The following NINJ2 variants were observed in gnomAD, a reference collection of about 807,000 sequenced individuals.
NINJ2 encodes the protein ninjurin 2.
A neutral mutation model predicts 11.7 loss-of-function variants in NINJ2; 12 were observed. That is an observed-to-expected ratio of 1.02 (90% CI 0.66 to 1.66). The LOEUF (loss-of-function observed/expected upper bound fraction) is 1.66, where lower values mean the gene tolerates loss of function less well. Among genes scored for constraint, NINJ2 ranks in the 40% most tolerant of loss-of-function variants. The probability of loss-of-function intolerance (pLI) is 0.00; values close to 1 mark genes in which losing one functional copy is unlikely to be tolerated. For synonymous variants in NINJ2, 93 were observed against 76.8 expected (o/e 1.21, Z -1.10); for missense variants, 187 against 181.8 (o/e 1.03, Z -0.16).
intron 1 of NINJ2, among the ~76,000 whole-genome samples, chr12:588,186 GGAAGGGACGGAGGGGAC>G (rs1365682482): frequency 1.1e-4 from 14 of 123,468 alleles, no homozygotes; most frequent in African/African-American, 4.1e-4. Context: ...CGGAAGGGAC[GGAAGGGACGGAGGGGAC>G]GGAAGGGACG....
At position 629,896 on chromosome 12, in the gene NINJ2, A is replaced by AAAAAAAAAAAAAAAATAT; in HGVS notation, c.33+33431_33+33432insATATTTTTTTTTTTTTTT. On this transcript the variant is annotated intron_variant, in intron 1 of 3. Transcript: ENST00000305108. Reference sequence around the variant, plus strand: ...GAGCAAAACTCAAAAAAAAAAAAAAAATATATATATATATATATATATATA... The same window carrying AAAAAAAAAAAAAAAATAT: ...GAGCAAAACTCAAAAAAAAAAAAAAAAAAAAAAAAAAAAAATATATATATATATATATATATATATATA... Among the ~76,000 whole-genome samples the AAAAAAAAAAAAAAAATAT allele has an allele frequency of 5.4e-3, 53 of 9,876 alleles. 3 individuals are homozygous for AAAAAAAAAAAAAAAATAT. The highest frequency in any genetic ancestry group is 0.016 in the Non-Finnish European group (34 of 2,120). 6.5% of individuals were successfully genotyped at this position (9,876 alleles called of 152,430 possible).
chr12:583,705 GC>G (rs904586446), intron 1 of NINJ2, among the ~76,000 whole-genome samples: 52 of 152,308 alleles, frequency 3.4e-4, no homozygotes, highest in African/African-American at 1.1e-3. Flanking sequence ...TATTTCCACA[GC>G]CATGAAATGG....
chr12:595,120 T>C (rs982838981), intron 1 of NINJ2, among the ~76,000 whole-genome samples: 8 of 151,926 alleles, frequency 5.3e-5, no homozygotes, highest in Non-Finnish European at 1.0e-4. Context: ...CTGTAATAAC[T>C]GGACATCCAC....
chr12:631,772 C>T (rs10849372), intron 1 of NINJ2, among the ~76,000 whole-genome samples: 41,691 of 151,982 alleles, frequency 0.27, 6,144 homozygotes, highest in Middle Eastern at 0.39. Context: ...TGCTCCTCAC[C>T]CCATATTCAA....
chr12:643,636 C>T (rs1347267779), intron 1 of NINJ2: 1 of 988,080 alleles, frequency 1.0e-6, no homozygotes, highest in Non-Finnish European at 1.2e-6. Context: ...TGCTTTGCAA[C>T]GAAGCCAAAG....
chr12:597,144 G>C (rs1163394945), intron 1 of NINJ2, among the ~76,000 whole-genome samples: 2 of 152,164 alleles, frequency 1.3e-5, no homozygotes, highest in Admixed American at 6.5e-5. Flanking sequence ...GGGAAAAATG[G>C]AAGGCGAAAC....
At chr12:637,042 T>A (rs11064006) in intron 1 of NINJ2, among the ~76,000 whole-genome samples, 91,579 of 152,100 alleles carry the variant, frequency 0.6, 27,787 homozygotes, top group East Asian at 0.73. Context: ...ATGGAATATT[T>A]TTCAGGCTAG....
chr12:629,896 A>AAAAAAAAAAATAT, intron 1 of NINJ2, among the ~76,000 whole-genome samples: 3 of 9,904 alleles, frequency 3.0e-4, no homozygotes, highest in Non-Finnish European at 4.7e-4. Context: ...AAAAAAAAAA[A>AAAAAAAAAAATAT]ATATATATAT....
intron 1 of NINJ2, among the ~76,000 whole-genome samples, chr12:653,017 TC>T (rs1937818206): frequency 8.1e-6 from 1 of 123,618 alleles, no homozygotes; most frequent in Non-Finnish European, 1.7e-5. Context: ...ATATTTTGTT[TC>T]TTTTTTTTTT....
intron 1 of NINJ2, among the ~76,000 whole-genome samples, chr12:573,023 A>AT (rs1301909243): frequency 0.013 from 1,369 of 106,302 alleles, 21 homozygotes; most frequent in African/African-American, 0.023. Context: ...CACCCAGCTA[A>AT]TTTTTTTTTT....
intron 3 of NINJ2, 112 bp downstream of exon 3, chr12:565,105 G>T: frequency 1.2e-6 from 1 of 847,518 alleles, no homozygotes; most frequent in Non-Finnish European, 1.8e-6. Flanking sequence ...CGGAGCTACA[G>T]GCCTTCCCCC....
chr12:577,056 G>A (rs2120817652), intron 1 of NINJ2, among the ~76,000 whole-genome samples: 1 of 152,264 alleles, frequency 6.6e-6, no homozygotes, highest in East Asian at 1.9e-4. Context: ...TGTCAGGCAT[G>A]ACTCCACAAA....
In NINJ2 at chr12:566,144, T is replaced by C. The variant is rs745906124; in HGVS notation, c.68A>G (p.Asn23Ser). The change falls in exon 2 of 4, where the codon AAC becomes AGC. Residue 23 changes from asparagine (N) to serine (S), a missense_variant. By Grantham distance (46) the Asn-to-Ser change is conservative (BLOSUM62 1). Transcript: ENST00000305108. ...GSSDPRSQPI[N>S]LNHYATKKSV... is the part of the protein sequence containing the mutation. ...CTTCTTGGTGGCGTAATGGTTCAGGTTGATGGGCTGGCTCCTGGGGTCGGA... is the reference window on the plus strand; with the variant it reads ...CTTCTTGGTGGCGTAATGGTTCAGGCTGATGGGCTGGCTCCTGGGGTCGGA... 5.6e-6 allele frequency: 9 copies of C among 1,614,018 alleles called. No individual in the cohort carries two copies. The highest frequency in any genetic ancestry group is 5.9e-6 in the Non-Finnish European group (7 of 1,179,930).
chr12:629,575 C>T (rs140266694), intron 1 of NINJ2, among the ~76,000 whole-genome samples: 1 of 152,084 alleles, frequency 6.6e-6, no homozygotes, highest in Non-Finnish European at 1.5e-5. Context: ...AAAACAAATT[C>T]GTAAATTGTC....
chr12:630,667 G>A (rs986202224), intron 1 of NINJ2, among the ~76,000 whole-genome samples: 2 of 152,154 alleles, frequency 1.3e-5, no homozygotes, highest in African/African-American at 4.8e-5. Context: ...GTGAGCCACC[G>A]CTCCCCGCCG....
intron 1 of NINJ2, among the ~76,000 whole-genome samples, chr12:582,879 G>A (rs60720257): frequency 7.2e-5 from 3 of 41,446 alleles, no homozygotes; most frequent in Non-Finnish European, 8.1e-5. Flanking sequence ...GAATGAATGG[G>A]CGCAGGCAGG....
chr12:643,513 C>T (rs1937626193), intron 1 of NINJ2: 1 of 988,154 alleles, frequency 1.0e-6, no homozygotes, highest in South Asian at 4.7e-5. Context: ...AACTGTACCT[C>T]ATGTCCCCTC....
chr12:565,803 CCT>C (rs1419112852), intron 2 of NINJ2, 145 bp downstream of exon 2: 2 of 757,016 alleles, frequency 2.6e-6, no homozygotes, highest in South Asian at 2.9e-5. Flanking sequence ...GGTCTTTGGG[CCT>C]CTGTTAGCGG....
At position 643,636 on chromosome 12, in the gene NINJ2, C is replaced by G. The variant is rs1347267779; in HGVS notation, c.33+19692G>C. 7.1e-6 allele frequency: 7 copies of G among 987,962 alleles called. No individual in the cohort carries two copies. The African/African-American group carries it at 1.0e-4, about 15-fold the overall frequency. 61.2% of individuals were successfully genotyped at this position (987,962 alleles called of 1,614,324 possible). The stretch of plus-strand genomic sequence containing the variant: ...CGGCCACCGAGCGGCTGCTTTGCAA[C>G]GAAGCCAAAGCCAACGTTTTGTTCT... On this transcript the variant is annotated intron_variant, in intron 1 of 3. Transcript: ENST00000305108.
Sources: allele counts gnomAD v4.1 joint callset (sites outside exome capture counted in the v4.1 genomes callset), GRCh38; gene constraint gnomAD v4.1.1; transcripts MANE v1.5; gene names NCBI Gene and HGNC (gene_info 2026-07-23, HGNC 2026-07-21).